SCAMP1: variants seen among roughly 807,000 people sequenced by gnomAD.
SCAMP1 encodes secretory carrier-associated membrane protein 1.
Under a neutral mutation model 41.8 loss-of-function variants are expected in SCAMP1, and 15 were observed. The ratio of observed to expected loss-of-function variants is 0.36; its 90% CI spans 0.24 to 0.55. The LOEUF (loss-of-function observed/expected upper bound fraction) is 0.55. Among genes scored for constraint, SCAMP1 ranks in the 20% least tolerant of loss-of-function variants. The pLI is 0.86. For synonymous variants in SCAMP1, 135 were observed against 136.8 expected, an observed-to-expected ratio of 0.99 and a Z score of 0.09; for missense variants, 341 against 412.6, an observed-to-expected ratio of 0.83 and a Z score of 1.50.
intron 1 of SCAMP1, among the ~76,000 whole-genome samples, chr5:78,386,564 T>G (rs1056436133): frequency 6.6e-6 from 1 of 152,050 alleles, no homozygotes; most frequent in South Asian, 2.1e-4. Context: ...GCCTGTGAGA[T>G]TTATGCTTTA....
intron 6 of SCAMP1, among the ~76,000 whole-genome samples, chr5:78,422,548 G>A: frequency 6.6e-6 from 1 of 151,710 alleles, no homozygotes; most frequent in East Asian, 2.0e-4. Context: ...TGTTCTGTGG[G>A]ATATTAATAG....
intron 6 of SCAMP1, among the ~76,000 whole-genome samples, chr5:78,422,509 G>C (rs1325998769): frequency 6.6e-6 from 1 of 152,106 alleles, no homozygotes; most frequent in Non-Finnish European, 1.5e-5. Context: ...ATTTTAATCA[G>C]TGGTTAGGGT....
intron 7 of SCAMP1, among the ~76,000 whole-genome samples, chr5:78,453,257 G>T (rs1420585685): frequency 6.6e-6 from 1 of 151,236 alleles, no homozygotes; most frequent in East Asian, 1.9e-4. Flanking sequence ...TGAAGTCCTT[G>T]CCCATGCCTA....
In SCAMP1 at chr5:78,365,183, T is replaced by C. The variant is rs183376225; in HGVS notation, c.57+4455T>C. On this transcript the variant is annotated intron_variant, in intron 1 of 8. Transcript: ENST00000621999. Reference sequence around the variant, plus strand: ...TAGTATTAATAGTAATTTAAGAAATTCTGTTTAATGGCCAGGCGCAGTGGC... The same window carrying C: ...TAGTATTAATAGTAATTTAAGAAATCCTGTTTAATGGCCAGGCGCAGTGGC... Among the ~76,000 whole-genome samples the C allele has an allele frequency of 9.9e-5, 15 of 152,152 alleles. No homozygotes were observed. In the East Asian group the frequency reaches 2.9e-3, roughly 29 times the overall value.
At position 78,476,875 on chromosome 5, in the gene SCAMP1, G is replaced by A. The variant is rs902146145; in HGVS notation, c.*1207G>A. 6 of 151,912 alleles carry A rather than the reference G, an allele frequency of 3.9e-5. No individual in the cohort carries two copies. The highest frequency in any genetic ancestry group is 1.9e-4 in the East Asian group (1 of 5,196). 9.4% of individuals were successfully genotyped at this position (151,912 alleles called of 1,614,324 possible). On this transcript the variant is annotated 3_prime_UTR_variant, in exon 9 of 9. Transcript: ENST00000621999. ...CAGTTAACTGCATTAAGATAATCACGTTAAAATTGTTACTATGCAGCACAG... is the reference window on the plus strand; with the variant it reads ...CAGTTAACTGCATTAAGATAATCACATTAAAATTGTTACTATGCAGCACAG...
chr5:78,424,787 C>G (rs1404486503), intron 6 of SCAMP1, among the ~76,000 whole-genome samples: 4 of 152,168 alleles, frequency 2.6e-5, no homozygotes, highest in Non-Finnish European at 4.4e-5. Flanking sequence ...CCACAAATCA[C>G]TAGGCATTAT....
chr5:78,429,557 C>G (rs1225646866), intron 6 of SCAMP1, among the ~76,000 whole-genome samples: 1 of 151,922 alleles, frequency 6.6e-6, no homozygotes, highest in African/African-American at 2.4e-5. Context: ...CTGGGAGTTG[C>G]AATGAGGGTG....
chr5:78,420,290 T>G (rs1752311049), intron 5 of SCAMP1, among the ~76,000 whole-genome samples: 1 of 152,242 alleles, frequency 6.6e-6, no homozygotes, highest in East Asian at 1.9e-4. Flanking sequence ...ACATATATTT[T>G]ATCTTTCTTT....
At chr5:78,417,949 G>A (rs1444143896) in intron 4 of SCAMP1, among the ~76,000 whole-genome samples, 1 of 152,064 alleles carries the variant, frequency 6.6e-6, no homozygotes, top group Non-Finnish European at 1.5e-5. Context: ...AAAACTGTGG[G>A]ATATAACATC....
chr5:78,397,021 C>T (rs1235162165), intron 2 of SCAMP1, among the ~76,000 whole-genome samples: 1 of 151,912 alleles, frequency 6.6e-6, no homozygotes, highest in African/African-American at 2.4e-5. Flanking sequence ...CAGTGGAGAG[C>T]AGAGAGTTTT....
chr5:78,384,523 G>A (rs897705206), intron 1 of SCAMP1, among the ~76,000 whole-genome samples: 3 of 152,020 alleles, frequency 2.0e-5, no homozygotes, highest in East Asian at 1.9e-4. Flanking sequence ...GGGCATCCTT[G>A]TCTTGTTCCA....
intron 6 of SCAMP1, among the ~76,000 whole-genome samples, chr5:78,431,633 G>A (rs576558339): frequency 2.9e-5 from 4 of 138,406 alleles, no homozygotes; most frequent in Admixed American, 1.5e-4. Context: ...TTTTAGTGAT[G>A]CCCTAATTTT....
chr5:78,405,609 T>C (rs1751915637), intron 2 of SCAMP1, among the ~76,000 whole-genome samples: 1 of 152,236 alleles, frequency 6.6e-6, no homozygotes, highest in African/African-American at 2.4e-5. Flanking sequence ...TAGAATGTAT[T>C]TGTTCAATAT....
chr5:78,419,038 A>G, intron 5 of SCAMP1, 135 bp downstream of exon 5: 1 of 736,998 alleles, frequency 1.4e-6, no homozygotes. Flanking sequence ...ATGATTTCAG[A>G]GTGAAACATA....
At chr5:78,433,906 T>C (rs1196402065) in intron 6 of SCAMP1, among the ~76,000 whole-genome samples, 2 of 152,194 alleles carry the variant, frequency 1.3e-5, no homozygotes, top group African/African-American at 2.4e-5. Flanking sequence ...GTAATAGATA[T>C]ATTCCTGTCC....
At chr5:78,423,358 A>G (rs1011788566) in intron 6 of SCAMP1, among the ~76,000 whole-genome samples, 10 of 152,214 alleles carry the variant, frequency 6.6e-5, no homozygotes, top group African/African-American at 2.4e-4. Flanking sequence ...TACTCCTTGC[A>G]TGATCTGAGT....
Position 78,415,586 on chromosome 5 carries a change from G to A in SCAMP1, c.202G>A (p.Glu68Lys). ...NTQPAIMKPT[E>K]EHPAYTQIAK... ...ACAACCAGCAATAATGAAACCAACA[G>A]AGGAACATCCAGCTTATACACAGAT... Residue 68 changes from glutamate to lysine, a missense_variant, in exon 3 of 9, where the codon GAG (glutamate) becomes AAG (lysine). Glu to Lys is a moderately conservative substitution (Grantham distance 56). Transcript: ENST00000621999. The A allele has an allele frequency of 6.2e-7, 1 of 1,605,680 alleles. No homozygotes were observed. The highest frequency in any genetic ancestry group is 8.5e-7 in the Non-Finnish European group (1 of 1,175,686).
At chr5:78,415,417 A>G (rs1042578316) in intron 2 of SCAMP1, 103 bp from the exon 3 acceptor site, 7 of 667,636 alleles carry the variant, frequency 1.0e-5, no homozygotes, top group Admixed American at 2.6e-5. Context: ...GAATGAAGAG[A>G]TGCAGATTTT....
At position 78,475,786 on chromosome 5, in the gene SCAMP1, C is replaced by A; in HGVS notation, c.*118C>A. ...ACAGACAGCATGGATATTTCCTGTT[C>A]ACTTGTGCATGGGCTAAAACCAGGA... On this transcript the variant is annotated 3_prime_UTR_variant, in exon 9 of 9. Transcript: ENST00000621999. 1.3e-6 allele frequency: 1 copy of A among 755,770 alleles called. No homozygotes were observed. The allele number at this position is 755,770 out of a possible 1,614,324, so 46.8% of individuals were successfully genotyped here.
Sources: gnomAD v4.1 joint callset for allele counts (sites outside exome capture counted in the v4.1 genomes callset) on GRCh38, gnomAD v4.1.1 for gene constraint, MANE v1.5 for transcripts, NCBI Gene and HGNC (gene_info 2026-07-23, HGNC 2026-07-21) for gene names.